HIVEP3: variants seen among roughly 807,000 people sequenced by gnomAD.
HIVEP3 encodes the protein HIVEP zinc finger 3.
In HIVEP3, 49 loss-of-function variants were observed where a neutral mutation model predicts 152.8. The observed-to-expected ratio is 0.32, with a 90% CI of 0.26 to 0.41. The LOEUF (loss-of-function observed/expected upper bound fraction) is 0.41. Among genes scored for constraint, HIVEP3 ranks in the 10% least tolerant of loss-of-function variants. The pLI is 1.00. For synonymous variants in HIVEP3, 1,269 were observed against 1,289.0 expected (o/e 0.98, Z 0.33); for missense variants, 2,790 against 3,103.3 (o/e 0.90, Z 2.40).
At position 41,821,256 on chromosome 1, in the gene HIVEP3, T is replaced by G. The variant is rs1444085785; in HGVS notation, c.-801+97157A>C. Among the ~76,000 whole-genome samples the G allele has an allele frequency of 3.3e-5, 5 of 152,154 alleles. No individual in the cohort carries two copies. The East Asian group carries it at 9.6e-4, about 29-fold the overall frequency. ...AGAGGTCCTCATCACCGGTCCTCAC[T>G]CCGTCTTCTCAGGCAGGTCTTAGAT... On this transcript the variant is annotated intron_variant, in intron 1 of 8. Transcript: ENST00000372583.
intron 1 of HIVEP3, among the ~76,000 whole-genome samples, chr1:41,971,637 C>T (rs1440562543): frequency 6.6e-6 from 1 of 152,174 alleles, no homozygotes; most frequent in Non-Finnish European, 1.5e-5. Flanking sequence ...AATTGGTAAA[C>T]CTGTACATAT....
chr1:41,619,188 C>T (rs1473293305), intron 3 of HIVEP3, among the ~76,000 whole-genome samples: 5 of 152,190 alleles, frequency 3.3e-5, no homozygotes, highest in Non-Finnish European at 5.9e-5. Flanking sequence ...TCCCAGCAGG[C>T]TGATCTTGCC....
At chr1:41,524,702 G>A (rs1442093742) in intron 6 of HIVEP3, 33 bp downstream of exon 6, 2 of 1,601,810 alleles carry the variant, frequency 1.2e-6, no homozygotes, top group South Asian at 1.1e-5. Context: ...CCTGCAGCGG[G>A]CAGGGGCAGT....
At chr1:41,548,819 G>A (rs1643864842) in intron 5 of HIVEP3, among the ~76,000 whole-genome samples, 1 of 152,150 alleles carries the variant, frequency 6.6e-6, no homozygotes, top group South Asian at 2.1e-4. Context: ...TTACAGGAGT[G>A]CACCACTGCG....
intron 1 of HIVEP3, among the ~76,000 whole-genome samples, chr1:41,742,385 G>C (rs927484581): frequency 2.6e-5 from 4 of 152,232 alleles, no homozygotes; most frequent in African/African-American, 7.2e-5. Context: ...CTCTGCTGCT[G>C]TTGACTCAGA....
chr1:41,807,052 C>T (rs1362943160), intron 1 of HIVEP3, among the ~76,000 whole-genome samples: 1 of 152,194 alleles, frequency 6.6e-6, no homozygotes, highest in Non-Finnish European at 1.5e-5. Flanking sequence ...TCTCCTCCTA[C>T]TCTCTGCCCC....
At chr1:41,711,572 A>T (rs1172895033) in intron 1 of HIVEP3, among the ~76,000 whole-genome samples, 1 of 152,192 alleles carries the variant, frequency 6.6e-6, no homozygotes, top group Non-Finnish European at 1.5e-5. Context: ...CAAGCAATAA[A>T]ATGGGGTTGA....
intron 3 of HIVEP3, among the ~76,000 whole-genome samples, chr1:41,588,740 C>A (rs1644542738): frequency 6.6e-6 from 1 of 152,164 alleles, no homozygotes; most frequent in South Asian, 2.1e-4. Context: ...GTGAGCGAGG[C>A]CTGTGAGCTG....
rs1340904295 is a variant in HIVEP3, at chr1:41,512,888, C to T, written c.6333G>A (p.Arg2111=). 6.4e-7 allele frequency: 1 copy of T among 1,567,922 alleles called. No individual in the cohort carries two copies. Among genetic ancestry groups the T allele is most frequent in the Non-Finnish European group, 8.7e-7 (1 of 1,155,244 alleles). The stretch of plus-strand genomic sequence containing the variant: ...GTAGAGGCGCGGGCGGGAAGAGAAC[C>T]CGTGGGTCCAGCCCCAAGCCTGGGC... ...EHGPGLGLDP[R]VLFPPAPLPH... Residue 2111 remains arginine, a synonymous_variant, in exon 8 of 9, where the codon CGG becomes CGA. Transcript: ENST00000372583.
chr1:41,720,027 C>T (rs530167842), intron 1 of HIVEP3, among the ~76,000 whole-genome samples: 1 of 152,288 alleles, frequency 6.6e-6, no homozygotes, highest in Admixed American at 6.5e-5. Flanking sequence ...AACTGTGGAG[C>T]GGGGCTGGGG....
chr1:41,568,887 T>A (rs973459925), intron 5 of HIVEP3, among the ~76,000 whole-genome samples: 2 of 152,164 alleles, frequency 1.3e-5, no homozygotes, highest in Non-Finnish European at 2.9e-5. Flanking sequence ...GTAATGGAGA[T>A]GGGGCCTGGT....
intron 2 of HIVEP3, among the ~76,000 whole-genome samples, chr1:41,681,664 G>C (rs1056783666): frequency 5.9e-5 from 9 of 152,158 alleles, no homozygotes; most frequent in Admixed American, 1.3e-4. Flanking sequence ...CGCTGGCCTG[G>C]CCCCTCTCTC....
At chr1:41,729,171 G>A (rs34218661) in intron 1 of HIVEP3, among the ~76,000 whole-genome samples, 1 of 152,186 alleles carries the variant, frequency 6.6e-6, no homozygotes, top group Non-Finnish European at 1.5e-5. Flanking sequence ...GTGGCTGTGG[G>A]AATAAAACGA....
At chr1:41,682,610 G>C (rs1432041485) in intron 2 of HIVEP3, among the ~76,000 whole-genome samples, 1 of 152,124 alleles carries the variant, frequency 6.6e-6, no homozygotes, top group Non-Finnish European at 1.5e-5. Context: ...AGTTTTCAGA[G>C]TGGAAACTGA....
intron 3 of HIVEP3, among the ~76,000 whole-genome samples, chr1:41,624,447 G>C (rs1372101653): frequency 6.6e-6 from 1 of 152,200 alleles, no homozygotes; most frequent in Admixed American, 6.5e-5. Context: ...GGTTTAATTT[G>C]GTTTGTGCAG....
intron 2 of HIVEP3, among the ~76,000 whole-genome samples, chr1:41,676,180 T>C (rs1645952771): frequency 6.6e-6 from 1 of 152,154 alleles, no homozygotes; most frequent in African/African-American, 2.4e-5. Context: ...ACCTCCCCAG[T>C]AGCTGGGATT....
chr1:41,529,055 C>CCACTGACA, intron 5 of HIVEP3, among the ~76,000 whole-genome samples: 1 of 144,738 alleles, frequency 6.9e-6, no homozygotes, highest in Middle Eastern at 3.9e-3. Context: ...GCTCACACCC[C>CCACTGACA]CACCCTCACC....
At chr1:41,779,880 G>A (rs1221980423) in intron 1 of HIVEP3, among the ~76,000 whole-genome samples, 2 of 152,178 alleles carry the variant, frequency 1.3e-5, no homozygotes, top group African/African-American at 4.8e-5. Context: ...AGGCTTTGGG[G>A]TCAGACAGAT....
chr1:41,726,051 A>G (rs1430651288), intron 1 of HIVEP3, among the ~76,000 whole-genome samples: 3 of 152,200 alleles, frequency 2.0e-5, no homozygotes, highest in Non-Finnish European at 4.4e-5. Flanking sequence ...TAACCCCCAA[A>G]AGGAGGGCTG....
Sources: allele counts gnomAD v4.1 joint callset (sites outside exome capture counted in the v4.1 genomes callset), GRCh38; gene constraint gnomAD v4.1.1; transcripts MANE v1.5; gene names NCBI Gene and HGNC (gene_info 2026-07-23, HGNC 2026-07-21).